Variants in DRC5 observed in about 807,000 individuals in gnomAD.
DRC5 encodes the protein T-complex-associated testis-expressed protein 1.
the DRC5 span, chr6:44,297,634 TCC>T: frequency 6.6e-6 from 1 of 151,990 alleles, no homozygotes; most frequent in Non-Finnish European, 1.5e-5. Context: ...GGGCTGGGTG[TCC>T]CCACTCCCGG....
At chr6:44,296,111 G>A in the DRC5 span, among the ~76,000 whole-genome samples, 1 of 152,204 alleles carries the variant, frequency 6.6e-6, no homozygotes. Flanking sequence ...CTTACTAAAT[G>A]TCACTAGCTA....
chr6:44,284,643 C>T, the DRC5 span, among the ~76,000 whole-genome samples: 1 of 152,214 alleles, frequency 6.6e-6, no homozygotes, highest in Non-Finnish European at 1.5e-5. Context: ...TCCAGCCTCA[C>T]AAGCCAGAGG....
At chr6:44,291,457 T>C in the DRC5 span, among the ~76,000 whole-genome samples, 7 of 152,248 alleles carry the variant, frequency 4.6e-5, no homozygotes, top group Admixed American at 2.6e-4. Context: ...GTCACTGTTA[T>C]GAGGATGTGG....
At chr6:44,297,405 C>A in the DRC5 span, among the ~76,000 whole-genome samples, 1 of 152,314 alleles carries the variant, frequency 6.6e-6, no homozygotes, top group African/African-American at 2.4e-5. Flanking sequence ...CAGCCCCGGG[C>A]CAGACGGTTT....
At chr6:44,283,100 C>A in the DRC5 span, among the ~76,000 whole-genome samples, 1 of 152,198 alleles carries the variant, frequency 6.6e-6, no homozygotes, top group Non-Finnish European at 1.5e-5. Flanking sequence ...CCGCGCCCGG[C>A]CGCTTGGGTC....
chr6:44,287,480 G>A, the DRC5 span: 554 of 1,500,932 alleles, frequency 3.7e-4, no homozygotes, highest in Non-Finnish European at 4.7e-4. Flanking sequence ...TCTTGGCTCC[G>A]GACAGTCCCC....
the DRC5 span, chr6:44,280,254 C>T: frequency 2.7e-5 from 43 of 1,614,162 alleles, no homozygotes; most frequent in Middle Eastern, 3.3e-4. Context: ...GGCCCGCTGG[C>T]GGGCTGCTTC....
At chr6:44,279,030 G>A in the DRC5 span, 5 of 152,248 alleles carry the variant, frequency 3.3e-5, no homozygotes, top group Admixed American at 1.3e-4. Context: ...CCTGCTTAGC[G>A]GAAGGAGTCC....
chr6:44,295,925 A>G, the DRC5 span, among the ~76,000 whole-genome samples: 1 of 152,230 alleles, frequency 6.6e-6, no homozygotes, highest in East Asian at 1.9e-4. Flanking sequence ...GACATTTCAT[A>G]TAGTGCTGGG....
At chr6:44,284,941 C>T in the DRC5 span, among the ~76,000 whole-genome samples, 1 of 152,082 alleles carries the variant, frequency 6.6e-6, no homozygotes, top group Non-Finnish European at 1.5e-5. Flanking sequence ...TACTTTTTTG[C>T]CTAAAACCCT....
the DRC5 span, chr6:44,282,547 T>C: frequency 3.1e-6 from 5 of 1,589,376 alleles, no homozygotes; most frequent in Non-Finnish European, 4.3e-6. Flanking sequence ...TTGCTTCGGG[T>C]CAGCTTGAAG....
the DRC5 span, chr6:44,286,130 T>C: frequency 4.3e-6 from 7 of 1,613,910 alleles, no homozygotes; most frequent in East Asian, 8.9e-5. Context: ...CAGTTGGTAG[T>C]GGTCAACGGT....
the DRC5 span, chr6:44,282,441 C>G: frequency 3.7e-6 from 6 of 1,613,504 alleles, no homozygotes; most frequent in Non-Finnish European, 5.1e-6. Flanking sequence ...TCGTGCACCA[C>G]GGTCTCCAAT....
chr6:44,281,141 T>C, the DRC5 span, among the ~76,000 whole-genome samples: 1 of 152,140 alleles, frequency 6.6e-6, no homozygotes, highest in South Asian at 2.1e-4. Flanking sequence ...TGGAGGGCCC[T>C]GCTCAATGGT....
chr6:44,293,450 A>C, the DRC5 span, among the ~76,000 whole-genome samples: 23,835 of 151,898 alleles, frequency 0.16, 2,178 homozygotes, highest in East Asian at 0.4. Flanking sequence ...CCGTCTCTAA[A>C]AAATAAAAAA....
chr6:44,284,307 G>A, the DRC5 span, among the ~76,000 whole-genome samples: 1 of 151,812 alleles, frequency 6.6e-6, no homozygotes, highest in Non-Finnish European at 1.5e-5. Context: ...GTGACACAAT[G>A]CCATGTTTCC....
chr6:44,282,464 C>T, the DRC5 span: 2 of 1,612,900 alleles, frequency 1.2e-6, no homozygotes, highest in Non-Finnish European at 1.7e-6. Context: ...GGTTTTGTGA[C>T]AAGTCCAGCT....
chr6:44,286,028 A>G, the DRC5 span: 269,638 of 1,613,902 alleles, frequency 0.17, 24,976 homozygotes, highest in East Asian at 0.36. Context: ...GGTGAAGAGG[A>G]AGAGATTCCA....
chr6:44,282,601 A>G, the DRC5 span: 1 of 1,520,946 alleles, frequency 6.6e-7, no homozygotes, highest in Non-Finnish European at 8.8e-7. Context: ...CCAGCCAGGG[A>G]TAATCAGCCT....
Sources: gnomAD v4.1 joint callset for allele counts (sites outside exome capture counted in the v4.1 genomes callset) on GRCh38, gnomAD v4.1.1 for gene constraint, MANE v1.5 for transcripts, NCBI Gene and HGNC (gene_info 2026-07-23, HGNC 2026-07-21) for gene names.